LRRC37A: variants seen among roughly 807,000 people sequenced by gnomAD.
The protein encoded by LRRC37A is leucine rich repeat containing 37A.
In LRRC37A, 3 loss-of-function variants were observed where a neutral mutation model predicts 35.4. The observed-to-expected ratio is 0.08, with a 90% confidence interval of 0.04 to 0.22. The LOEUF is 0.22. LRRC37A is among the 10% of genes least tolerant of loss of function. The probability of loss-of-function intolerance (pLI) is 1.00; values close to 1 mark genes in which losing one functional copy is unlikely to be tolerated. For missense variants in LRRC37A, 67 were observed against 565.3 expected, an observed-to-expected ratio of 0.12 and a Z score of 8.94; for synonymous variants, 23 against 215.0, an observed-to-expected ratio of 0.11 and a Z score of 7.81.
the LRRC37A span, chr17:46,260,618 C>CTA: frequency 3.2e-5 from 38 of 1,181,774 alleles, no homozygotes; most frequent in African/African-American, 4.0e-5. Flanking sequence ...GCTCTCTATT[C>CTA]TCTTTTTTTT....
the LRRC37A span, among the ~76,000 whole-genome samples, chr17:46,255,916 C>T: frequency 1.7e-4 from 26 of 151,872 alleles, no homozygotes; most frequent in African/African-American, 6.0e-4. Context: ...ACCTCGTGAT[C>T]TGCCTGCCTC....
the LRRC37A span, among the ~76,000 whole-genome samples, chr17:46,272,471 A>G: frequency 6.6e-6 from 1 of 152,108 alleles, no homozygotes; most frequent in Non-Finnish European, 1.5e-5. Context: ...CTGGAGTGCA[A>G]TGGCGTGATC....
chr17:46,285,682 C>T, the LRRC37A span, among the ~76,000 whole-genome samples: 1 of 152,122 alleles, frequency 6.6e-6, no homozygotes, highest in East Asian at 1.9e-4. Context: ...GTTAGATAAG[C>T]TGAGGTGGTG....
chr17:46,258,778 A>ATG, the LRRC37A span, among the ~76,000 whole-genome samples: 5,780 of 113,636 alleles, frequency 0.051, 1 homozygote, highest in Middle Eastern at 0.12. Context: ...GCAGTTGTGC[A>ATG]ATCTTGGCTC....
At chr17:46,264,784 G>A in the LRRC37A span, among the ~76,000 whole-genome samples, 1 of 152,338 alleles carries the variant, frequency 6.6e-6, no homozygotes, top group Admixed American at 6.5e-5. Context: ...GAACCATCCA[G>A]CTTGCTCTCT....
the LRRC37A span, among the ~76,000 whole-genome samples, chr17:46,257,449 T>G: frequency 1.3e-5 from 1 of 74,930 alleles, no homozygotes; most frequent in African/African-American, 5.2e-5. Context: ...TTAGACTCTG[T>G]CTCAAAAAAA....
chr17:46,284,756 G>A, the LRRC37A span, among the ~76,000 whole-genome samples: 3 of 152,252 alleles, frequency 2.0e-5, no homozygotes, highest in African/African-American at 7.2e-5. Context: ...GAGATGTGAT[G>A]TTAGATAACA....
chr17:46,257,652 TAA>T, the LRRC37A span, among the ~76,000 whole-genome samples: 18,678 of 134,894 alleles, frequency 0.14, 91 homozygotes, highest in Middle Eastern at 0.2. Context: ...TGTTTCTACT[TAA>T]AAAAAAAAAA....
At chr17:46,267,396 G>A in the LRRC37A span, 5 of 1,606,956 alleles carry the variant, frequency 3.1e-6, no homozygotes, top group South Asian at 5.5e-5. Context: ...TGGTGGATCG[G>A]GACGGGCTGT....
At chr17:46,265,070 G>A in the LRRC37A span, among the ~76,000 whole-genome samples, 1 of 152,234 alleles carries the variant, frequency 6.6e-6, no homozygotes, top group African/African-American at 2.4e-5. Context: ...TGTCTAGTCT[G>A]GAGAACCTGA....
At chr17:46,253,724 C>A in the LRRC37A span, among the ~76,000 whole-genome samples, 1 of 118,970 alleles carries the variant, frequency 8.4e-6, no homozygotes, top group Non-Finnish European at 1.7e-5. Flanking sequence ...AGAGGGAGAC[C>A]GTGGAAAGAG....
intron 7 of LRRC37A, among the ~76,000 whole-genome samples, chr17:46,327,601 A>C (rs1478340908): frequency 1.1e-4 from 1 of 8,708 alleles, no homozygotes; most frequent in African/African-American, 2.0e-4. Flanking sequence ...ATAAAAAATA[A>C]TAATTTTCCC....
At chr17:46,267,608 G>C in the LRRC37A span, 1 of 1,560,950 alleles carries the variant, frequency 6.4e-7, no homozygotes, top group African/African-American at 1.4e-5. Context: ...GGGTCGTCCA[G>C]TCTTTTTTTG....
intron 10 of LRRC37A, among the ~76,000 whole-genome samples, chr17:46,332,863 G>C (rs1371102628): frequency 6.7e-6 from 1 of 150,140 alleles, no homozygotes; most frequent in Non-Finnish European, 1.5e-5. Context: ...TCAGATCTCT[G>C]TGAATTGAAA....
intron 7 of LRRC37A, among the ~76,000 whole-genome samples, chr17:46,325,962 T>TG (rs1196891718): frequency 2.9e-5 from 2 of 68,384 alleles, no homozygotes; most frequent in African/African-American, 6.5e-5. Context: ...AATAAAAAGT[T>TG]GGGGGCAGAA....
chr17:46,248,708 C>G, the LRRC37A span, among the ~76,000 whole-genome samples: 7 of 151,930 alleles, frequency 4.6e-5, no homozygotes, highest in African/African-American at 1.5e-4. Flanking sequence ...TTAGTAGAGA[C>G]GAGGTTTCAC....
chr17:46,261,082 G>A, the LRRC37A span, among the ~76,000 whole-genome samples: 1 of 152,130 alleles, frequency 6.6e-6, no homozygotes, highest in Non-Finnish European at 1.5e-5. Context: ...AGGGGGTGAG[G>A]GATAAAAGAC....
the LRRC37A span, among the ~76,000 whole-genome samples, chr17:46,284,017 T>C: frequency 0.13 from 19,831 of 151,460 alleles, 6 homozygotes; most frequent in Middle Eastern, 0.2. Context: ...TTTTTCCCTA[T>C]CTCAGTAGAT....
chr17:46,289,377 T>C (rs567022527), upstream of LRRC37A, among the ~76,000 whole-genome samples: 92 of 152,296 alleles, frequency 6.0e-4, 1 homozygote, highest in Non-Finnish European at 9.3e-4. Flanking sequence ...TCTTGCTGTG[T>C]TGCCCAGGTA....
Sources: allele counts gnomAD v4.1 joint callset (sites outside exome capture counted in the v4.1 genomes callset), GRCh38; gene constraint gnomAD v4.1.1; transcripts MANE v1.5; gene names NCBI Gene and HGNC (gene_info 2026-07-23, HGNC 2026-07-21).